Variants in PAK2 observed in about 807,000 individuals in gnomAD.
PAK2 encodes the protein serine/threonine-protein kinase PAK 2.
PAK2 carries 21 observed loss-of-function variants against 65.9 expected under a neutral mutation model. The observed-to-expected ratio is 0.32, with a 90% confidence interval of 0.23 to 0.46. PAK2 has a LOEUF of 0.46. Ranked by LOEUF, PAK2 falls within the 20% of genes least tolerant of loss-of-function variation. PAK2 has a pLI of 1.00. For missense variants in PAK2, 324 were observed against 642.6 expected (o/e 0.50, Z 5.36); for synonymous variants, 204 against 219.7 (o/e 0.93, Z 0.63).
rs959661089 is a variant in PAK2 at position 196,740,092 on chromosome 3, C to G, written c.-87C>G. 2.0e-5 allele frequency: 3 copies of G among 151,910 alleles called. No homozygotes were observed. Among genetic ancestry groups the G allele is most frequent in the Admixed American group, 2.0e-4 (3 of 15,278 alleles). The allele number at this position is 151,910 out of a possible 1,614,324, so 9.4% of individuals were successfully genotyped here. A position where few individuals can be genotyped will look rare whatever the true frequency, so the allele number is the denominator to read the frequency against. On this transcript the variant is annotated 5_prime_UTR_variant, in exon 1 of 15. Coordinates refer to ENST00000327134, the MANE Select transcript of PAK2 (RefSeq NM_002577.4). ...CGCACCGCGCGCTAGCCCGGGGCGG[C>G]TCCGCAGCCCGCCGGGAGCTCTGAC...
chr3:196,826,258 G>A (rs937896235), intron 13 of PAK2, among the ~76,000 whole-genome samples: 1 of 151,664 alleles, frequency 6.6e-6, no homozygotes, highest in Non-Finnish European at 1.5e-5. Context: ...TGCAAGCTCT[G>A]CCTCCCGGGT....
At chr3:196,752,598 G>T (rs761544605) in intron 1 of PAK2, among the ~76,000 whole-genome samples, 7 of 147,624 alleles carry the variant, frequency 4.7e-5, no homozygotes, top group African/African-American at 1.8e-4. Flanking sequence ...TTATTTATTT[G>T]TTTGTTTGTT....
chr3:196,803,670 A>G (rs991498738), intron 4 of PAK2, among the ~76,000 whole-genome samples: 2 of 152,238 alleles, frequency 1.3e-5, no homozygotes, highest in African/African-American at 4.8e-5. Context: ...ATACGAAAGA[A>G]GCGTTAGAAC....
At chr3:196,826,296 C>T (rs1009083600) in intron 13 of PAK2, among the ~76,000 whole-genome samples, 3 of 151,994 alleles carry the variant, frequency 2.0e-5, no homozygotes, top group African/African-American at 7.2e-5. Flanking sequence ...CTCAGCCTCC[C>T]GAGTAGCTGG....
At chr3:196,809,534 G>A (rs1715705922) in intron 7 of PAK2, among the ~76,000 whole-genome samples, 1 of 150,446 alleles carries the variant, frequency 6.6e-6, no homozygotes, top group Non-Finnish European at 1.5e-5. Flanking sequence ...AGTAGAGATG[G>A]GGTTTCACCA....
chr3:196,762,674 TGGGGAG>T lies in PAK2; in HGVS notation c.-21-19951_-21-19946del, dbSNP rs1307838690. Among the ~76,000 whole-genome samples, 6 of 146,380 alleles carry T rather than the reference TGGGGAG, an allele frequency of 4.1e-5. No individual in the cohort carries two copies. The East Asian group carries it at 1.0e-3, about 25-fold the overall frequency. Reference sequence around the variant, plus strand: ...TCGGCTCCGCATGAGAGGGAGACCGTGGGGAGAGGGAGAGGGAGAGGGAGAGAGGAG... The same window carrying T: ...TCGGCTCCGCATGAGAGGGAGACCGTAGGGAGAGGGAGAGGGAGAGAGGAG... On this transcript the variant is annotated intron_variant, in intron 1 of 14. Coordinates refer to ENST00000327134, the MANE Select transcript of PAK2 (RefSeq NM_002577.4).
chr3:196,749,081 CTT>C (rs71621295), intron 1 of PAK2, among the ~76,000 whole-genome samples: 3 of 149,560 alleles, frequency 2.0e-5, no homozygotes, highest in Non-Finnish European at 3.0e-5. Flanking sequence ...AAGTTCTTTT[CTT>C]TTTTTTTTGG....
chr3:196,811,073 C>CT (rs1367935616), intron 8 of PAK2, among the ~76,000 whole-genome samples: 1 of 151,842 alleles, frequency 6.6e-6, no homozygotes, highest in Non-Finnish European at 1.5e-5. Context: ...AACTAAACTC[C>CT]TTTTTTCTGT....
In PAK2 at chr3:196,810,586, C is replaced by G; in HGVS notation, c.710-4C>G. The stretch of plus-strand genomic sequence containing the variant: ...CTGAGCTTCCAGCTTTTTGTTTATT[C>G]TAGGAACTATCGTGAGCATAGGTGA... On this transcript the variant is annotated splice_region_variant and splice_polypyrimidine_tract_variant and intron_variant, in intron 7 of 14. Coordinates refer to ENST00000327134, the MANE Select transcript of PAK2 (RefSeq NM_002577.4). 2.6e-6 allele frequency: 4 copies of G among 1,530,678 alleles called. No homozygotes were observed. Among genetic ancestry groups the G allele is most frequent in the Non-Finnish European group, 3.6e-6 (4 of 1,105,878 alleles). The allele number at this position is 1,530,678 out of a possible 1,614,324, so 94.8% of individuals were successfully genotyped here. A position where few individuals can be genotyped will look rare whatever the true frequency, so the allele number is the denominator to read the frequency against.
At chr3:196,745,332 C>A (rs905978866) in intron 1 of PAK2, among the ~76,000 whole-genome samples, 24 of 141,218 alleles carry the variant, frequency 1.7e-4, no homozygotes, top group African/African-American at 6.3e-4. Flanking sequence ...CTATGTTGGC[C>A]AGGCTGGTCT....
Position 196,745,127 on chromosome 3 carries a change from T to A in PAK2, c.-22+4970T>A, listed in dbSNP as rs905870175. Among the ~76,000 whole-genome samples the A allele has an allele frequency of 4.7e-3, 708 of 151,444 alleles. 5 individuals are homozygous for A. Among genetic ancestry groups the A allele is most frequent in the African/African-American group, 0.016 (674 of 41,308 alleles). On this transcript the variant is annotated intron_variant, in intron 1 of 14. Transcript: ENST00000327134. ...AATTATTGTGTTTCAATCTTTTTTTTTTTTTTGTGACAGAGTCTCACTCTG... is the reference window on the plus strand; with the variant it reads ...AATTATTGTGTTTCAATCTTTTTTTATTTTTTGTGACAGAGTCTCACTCTG...
chr3:196,804,208 T>A (rs984948470), intron 4 of PAK2, among the ~76,000 whole-genome samples: 5 of 152,196 alleles, frequency 3.3e-5, no homozygotes, highest in Admixed American at 2.6e-4. Flanking sequence ...TTACTTACTG[T>A]TTGCATCCTC....
chr3:196,811,364 CT>C (rs1715815975), intron 8 of PAK2, among the ~76,000 whole-genome samples: 1 of 12,742 alleles, frequency 7.8e-5, no homozygotes, highest in Non-Finnish European at 1.6e-4. Flanking sequence ...CCTCCCTTCC[CT>C]TCCTTCTCTT....
intron 2 of PAK2, among the ~76,000 whole-genome samples, chr3:196,799,829 G>C (rs1459960469): frequency 6.6e-6 from 1 of 152,132 alleles, no homozygotes; most frequent in South Asian, 2.1e-4. Flanking sequence ...GGCCAGATGG[G>C]TCTTGAACTC....
chr3:196,760,650 T>C (rs1326067994), intron 1 of PAK2, among the ~76,000 whole-genome samples: 1 of 152,132 alleles, frequency 6.6e-6, no homozygotes, highest in African/African-American at 2.4e-5. Flanking sequence ...ATGACCGGTC[T>C]GTGAGTTTGA....
chr3:196,757,609 C>T (rs774793767), intron 1 of PAK2, among the ~76,000 whole-genome samples: 17 of 152,032 alleles, frequency 1.1e-4, no homozygotes, highest in Admixed American at 2.0e-4. Flanking sequence ...CCCCAAACCC[C>T]TCAAATTTCC....
chr3:196,814,287 T>C (rs1384840644), intron 10 of PAK2, among the ~76,000 whole-genome samples, 164 bp from the exon 11 acceptor site: 1 of 152,240 alleles, frequency 6.6e-6, no homozygotes, highest in Non-Finnish European at 1.5e-5. Context: ...TTCAGTTATT[T>C]TTCTGTGCTG....
chr3:196,753,178 C>T lies in PAK2; in HGVS notation c.-22+13021C>T, dbSNP rs537912872. Among the ~76,000 whole-genome samples the T allele has an allele frequency of 3.2e-4, 48 of 151,674 alleles. 2 individuals carry two copies. The South Asian group carries it at 8.1e-3, about 26-fold the overall frequency. On this transcript the variant is annotated intron_variant, in intron 1 of 14. Transcript: ENST00000327134. ...TTCATCATGTGGGCCAGGATGGTCT[C>T]GATCTCCTGACCTCGTGATCCGCCC...
rs542161742 is a variant in PAK2 at position 196,812,768 on chromosome 3, A to G, written c.852A>G (p.Lys284=). The part of the protein sequence containing the change: ...EVAIKQINLQ[K]QPKKELIINE... The stretch of plus-strand genomic sequence containing the variant: ...CTATCAAACAAATTAATTTACAGAA[A>G]CAGCCAAAGAAGGAACTGATCATTA... The change falls in exon 10 of 15, where the codon AAA becomes AAG. Residue 284 remains lysine (K), a synonymous_variant. Coordinates refer to ENST00000327134, the MANE Select transcript of PAK2 (RefSeq NM_002577.4). 1.9e-6 allele frequency: 3 copies of G among 1,540,394 alleles called. No individual in the cohort carries two copies. The African/African-American group carries it at 4.1e-5, about 21-fold the overall frequency.
Sources: allele counts gnomAD v4.1 joint callset (sites outside exome capture counted in the v4.1 genomes callset), GRCh38; gene constraint gnomAD v4.1.1; transcripts MANE v1.5; gene names NCBI Gene and HGNC (gene_info 2026-07-23, HGNC 2026-07-21).